The following SI variants were observed in gnomAD, a reference collection of about 807,000 sequenced individuals.
The protein encoded by SI is sucrase-isomaltase, intestinal.
SI carries 235 observed loss-of-function variants against 253.3 expected under a neutral mutation model. That is an observed-to-expected ratio of 0.93 (90% CI 0.83 to 1.03). SI has a LOEUF of 1.03. Among genes scored for constraint, SI ranks in the 50% least tolerant of loss-of-function variants. The pLI is 0.00. For missense variants in SI, 2,442 were observed against 2,211.1 expected (o/e 1.10, Z -2.09); for synonymous variants, 819 against 712.0 (o/e 1.15, Z -2.39).
At chr3:165,040,278 G>A (rs1712751363) in intron 18 of SI, among the ~76,000 whole-genome samples, 1 of 150,268 alleles carries the variant, frequency 6.7e-6, no homozygotes, top group Non-Finnish European at 1.5e-5. Context: ...GGGAAGGAAA[G>A]TAGAAAAGGG....
At chr3:164,995,970 A>C (rs146910053) in intron 40 of SI, among the ~76,000 whole-genome samples, 105 of 151,882 alleles carry the variant, frequency 6.9e-4, no homozygotes, top group South Asian at 1.5e-3. Context: ...AGCTTTCTAA[A>C]TTGCATTATT....
chr3:165,054,117 A>T (rs12185917), intron 13 of SI, among the ~76,000 whole-genome samples: 88,396 of 151,866 alleles, frequency 0.58, 26,119 homozygotes, highest in East Asian at 0.81. Context: ...CAAAATAAAT[A>T]TTTGCTAACT....
chr3:164,981,651 T>C (rs1416775375), intron 47 of SI, among the ~76,000 whole-genome samples: 1 of 152,166 alleles, frequency 6.6e-6, no homozygotes, highest in East Asian at 1.9e-4. Flanking sequence ...TTGCAAGCCA[T>C]AGATTCACAG....
intron 2 of SI, among the ~76,000 whole-genome samples, chr3:165,074,950 C>T (rs886860563): frequency 6.6e-6 from 1 of 151,622 alleles, no homozygotes; most frequent in East Asian, 1.9e-4. Flanking sequence ...CAGAAGGTAA[C>T]AAAATATACA....
At chr3:164,997,375 AAT>A (rs1718058815) in intron 38 of SI, among the ~76,000 whole-genome samples, 1 of 151,694 alleles carries the variant, frequency 6.6e-6, no homozygotes, top group East Asian at 1.9e-4. Context: ...TTAAAATGGT[AAT>A]GTCTTATTTA....
intron 16 of SI, among the ~76,000 whole-genome samples, chr3:165,045,433 A>T (rs1361263857): frequency 6.6e-6 from 1 of 152,080 alleles, no homozygotes; most frequent in Non-Finnish European, 1.5e-5. Context: ...GACACCTTAT[A>T]CTAAAATACA....
chr3:165,063,542 C>A lies in SI; in HGVS notation c.808-1G>T. 1 of 1,304,390 alleles carries A rather than the reference C, an allele frequency of 7.7e-7. No homozygotes were observed. The highest frequency in any genetic ancestry group is 1.1e-6 in the Non-Finnish European group (1 of 907,756). 80.8% of individuals were successfully genotyped at this position (1,304,390 alleles called of 1,614,324 possible). A position where few individuals can be genotyped will look rare whatever the true frequency, so the allele number is the denominator to read the frequency against. On this transcript the variant is annotated splice_acceptor_variant, in intron 7 of 47. Transcript: ENST00000264382. LOFTEE classifies it high-confidence loss of function. Reference sequence around the variant, plus strand: ...GATGGCCGTATAAATTATTATTATTCTATAAGGCAAGAATTTGAAAATACG... The same window carrying A: ...GATGGCCGTATAAATTATTATTATTATATAAGGCAAGAATTTGAAAATACG...
intron 8 of SI, among the ~76,000 whole-genome samples, chr3:165,063,031 A>G (rs1054744082): frequency 3.9e-5 from 6 of 152,114 alleles, no homozygotes; most frequent in Admixed American, 3.3e-4. Context: ...AATATTACAA[A>G]ATAAAATACT....
chr3:164,987,329 G>A (rs1005262865), intron 44 of SI, 103 bp from the exon 45 acceptor site: 11 of 923,226 alleles, frequency 1.2e-5, no homozygotes, highest in African/African-American at 6.6e-5. Context: ...CAAGCATTAA[G>A]GAGTGTGCAA....
intron 15 of SI, among the ~76,000 whole-genome samples, chr3:165,048,567 G>GTATATATA (rs151098561): frequency 1.9e-4 from 23 of 123,838 alleles, no homozygotes; most frequent in Non-Finnish European, 3.1e-4. Context: ...ATATATATAT[G>GTATATATA]TATATATATA....
chr3:165,065,946 T>C, intron 6 of SI, among the ~76,000 whole-genome samples: 1 of 151,938 alleles, frequency 6.6e-6, no homozygotes. Flanking sequence ...ATGATGTTTA[T>C]GATTTGTATG....
At chr3:165,027,048 T>A (rs968121038) in intron 25 of SI, among the ~76,000 whole-genome samples, 1 of 151,122 alleles carries the variant, frequency 6.6e-6, no homozygotes, top group Non-Finnish European at 1.5e-5. Context: ...TTTGAAAAGA[T>A]AAATAAAATT....
chr3:165,022,606 C>T (rs958288954), intron 26 of SI, among the ~76,000 whole-genome samples: 1 of 150,888 alleles, frequency 6.6e-6, no homozygotes, highest in Non-Finnish European at 1.5e-5. Flanking sequence ...CACATACACA[C>T]ACACACACAC....
intron 15 of SI, among the ~76,000 whole-genome samples, chr3:165,047,843 A>T (rs371752761): frequency 2.0e-5 from 3 of 149,846 alleles, no homozygotes; most frequent in African/African-American, 4.9e-5. Context: ...AATTAAGAAG[A>T]TTTTTTTTTT....
chr3:164,992,120 G>A (rs147717967), intron 43 of SI, 57 bp downstream of exon 43: 5 of 1,390,910 alleles, frequency 3.6e-6, no homozygotes, highest in Non-Finnish European at 5.1e-6. Flanking sequence ...AAAGGCTAGG[G>A]CCAAACAATT....
At chr3:164,986,968 C>T (rs6775874) in intron 45 of SI, among the ~76,000 whole-genome samples, 170 bp downstream of exon 45, 7,342 of 152,134 alleles carry the variant, frequency 0.048, 602 homozygotes, top group African/African-American at 0.17. Context: ...TAAATGTTTG[C>T]GACATTGTTT....
intron 20 of SI, 43 bp from the exon 21 acceptor site, chr3:165,038,067 A>T: frequency 6.6e-7 from 1 of 1,526,436 alleles, no homozygotes; most frequent in South Asian, 1.1e-5. Flanking sequence ...ATTATTGAAG[A>T]CTTTAAACTC....
At chr3:165,046,253 T>C (rs1183967473) in intron 16 of SI, among the ~76,000 whole-genome samples, 1 of 152,164 alleles carries the variant, frequency 6.6e-6, no homozygotes, top group African/African-American at 2.4e-5. Context: ...TATAATACCT[T>C]CTACATTATT....
chr3:165,058,788 C>A (rs1014515865), intron 12 of SI, among the ~76,000 whole-genome samples, 175 bp downstream of exon 12: 1 of 150,838 alleles, frequency 6.6e-6, no homozygotes, highest in Non-Finnish European at 1.5e-5. Context: ...TTTATAAATT[C>A]TTGGAGTAGT....
Sources: allele counts gnomAD v4.1 joint callset (sites outside exome capture counted in the v4.1 genomes callset), GRCh38; gene constraint gnomAD v4.1.1; transcripts MANE v1.5; gene names NCBI Gene and HGNC (gene_info 2026-07-23, HGNC 2026-07-21).